PRKG1: variants seen among roughly 807,000 people sequenced by gnomAD.
The protein encoded by PRKG1 is protein kinase cGMP-dependent 1.
Under a neutral mutation model 88.1 loss-of-function variants are expected in PRKG1, and 35 were observed. That is an observed-to-expected ratio of 0.40 (90% CI 0.30 to 0.53). PRKG1 has a LOEUF of 0.53. Among genes scored for constraint, PRKG1 ranks in the 20% least tolerant of loss-of-function variants. The pLI, the probability that PRKG1 is intolerant of heterozygous loss-of-function variation, is 0.59. For synonymous variants in PRKG1, 303 were observed against 292.5 expected (o/e 1.04, Z -0.37); for missense variants, 540 against 839.8 (o/e 0.64, Z 4.41).
chr10:51,397,604 T>C (rs1486456155), intron 2 of PRKG1, among the ~76,000 whole-genome samples: 1 of 152,228 alleles, frequency 6.6e-6, no homozygotes, highest in Non-Finnish European at 1.5e-5. Context: ...TTGACTATTT[T>C]CTGAGGGCAA....
intron 3 of PRKG1, among the ~76,000 whole-genome samples, chr10:51,622,821 T>G (rs746555777): frequency 1.3e-5 from 2 of 152,348 alleles, no homozygotes; most frequent in Non-Finnish European, 2.9e-5. Flanking sequence ...TTATTTACTT[T>G]GGGCTTCACT....
chr10:51,924,256 TA>T (rs1842524805), intron 5 of PRKG1, among the ~76,000 whole-genome samples: 1 of 152,204 alleles, frequency 6.6e-6, no homozygotes, highest in African/African-American at 2.4e-5. Context: ...AATATTTATC[TA>T]AGAAAGTCTT....
intron 3 of PRKG1, among the ~76,000 whole-genome samples, chr10:51,787,459 G>A (rs1189921091): frequency 3.9e-5 from 6 of 152,068 alleles, no homozygotes; most frequent in Non-Finnish European, 5.9e-5. Context: ...GGATGGGCAG[G>A]GACTGGGCAC....
chr10:52,258,592 A>AT (rs2132411866), intron 10 of PRKG1, among the ~76,000 whole-genome samples: 1 of 152,078 alleles, frequency 6.6e-6, no homozygotes, highest in Admixed American at 6.6e-5. Context: ...AGAATTACTG[A>AT]TTTTTTAACT....
intron 2 of PRKG1, among the ~76,000 whole-genome samples, chr10:51,428,453 G>A (rs931238617): frequency 2.6e-5 from 4 of 152,244 alleles, no homozygotes; most frequent in Middle Eastern, 3.4e-3. Context: ...GATGGAGGGA[G>A]GGGCTTGGCA....
At chr10:51,251,163 A>G (rs191130353) in intron 2 of PRKG1, among the ~76,000 whole-genome samples, 447 of 151,816 alleles carry the variant, frequency 2.9e-3, no homozygotes, top group African/African-American at 0.01. Context: ...AACAAATTGC[A>G]TTGCTTCCTT....
chr10:51,392,737 C>T (rs1486243160), intron 2 of PRKG1, among the ~76,000 whole-genome samples: 14 of 142,570 alleles, frequency 9.8e-5, no homozygotes, highest in African/African-American at 1.2e-4. Flanking sequence ...ACCTCCCGGA[C>T]GGGGCGGCTG....
intron 7 of PRKG1, among the ~76,000 whole-genome samples, chr10:52,133,312 C>T (rs1589635567): frequency 6.6e-6 from 1 of 152,030 alleles, no homozygotes; most frequent in Non-Finnish European, 1.5e-5. Context: ...CTTGAAGAAC[C>T]ATAACTTCTG....
chr10:51,894,873 G>A (rs1251805192), intron 4 of PRKG1, among the ~76,000 whole-genome samples: 2 of 152,150 alleles, frequency 1.3e-5, no homozygotes, highest in Non-Finnish European at 2.9e-5. Context: ...CAGCTATCTG[G>A]TATTGCTTGG....
chr10:51,706,437 T>A (rs1258145704), intron 3 of PRKG1, among the ~76,000 whole-genome samples: 2 of 152,170 alleles, frequency 1.3e-5, no homozygotes, highest in Non-Finnish European at 2.9e-5. Flanking sequence ...TTGGGGCTGC[T>A]GGGAGTCTGC....
intron 2 of PRKG1, among the ~76,000 whole-genome samples, chr10:51,420,762 G>C (rs1838388330): frequency 6.6e-6 from 1 of 152,160 alleles, no homozygotes; most frequent in Non-Finnish European, 1.5e-5. Context: ...GGTTTAATTG[G>C]CTCACAGTTC....
rs996536532 is a variant in PRKG1, at chr10:51,945,086, G to A, written c.762+37516G>A. Among the ~76,000 whole-genome samples the A allele has an allele frequency of 6.8e-3, 1,019 of 150,914 alleles. 14 individuals are homozygous for A. Among genetic ancestry groups the A allele is most frequent in the African/African-American group, 0.022 (908 of 40,902 alleles). ...AGTCTCCCATTATTATTGTGTGGGA[G>A]TCTAAGTCTCTTTGTAGGTCACTCA... On this transcript the variant is annotated intron_variant, in intron 5 of 17. Transcript: ENST00000373980.
chr10:52,040,742 C>T (rs1014249634), intron 5 of PRKG1, among the ~76,000 whole-genome samples: 1 of 151,836 alleles, frequency 6.6e-6, no homozygotes, highest in Non-Finnish European at 1.5e-5. Context: ...AGTGGGCATC[C>T]CTATCTTATT....
At chr10:51,806,731 C>T (rs1290442230) in intron 4 of PRKG1, among the ~76,000 whole-genome samples, 1 of 152,132 alleles carries the variant, frequency 6.6e-6, no homozygotes, top group Non-Finnish European at 1.5e-5. Context: ...GTTCCTGTTG[C>T]ATTATTTACA....
chr10:51,932,479 T>A (rs904883681), intron 5 of PRKG1, among the ~76,000 whole-genome samples: 2 of 152,296 alleles, frequency 1.3e-5, no homozygotes, highest in Non-Finnish European at 1.5e-5. Flanking sequence ...ACAGACAAAC[T>A]TGGCCAAGAA....
chr10:52,231,844 C>T (rs1435106726), intron 9 of PRKG1, among the ~76,000 whole-genome samples: 2 of 152,118 alleles, frequency 1.3e-5, no homozygotes, highest in Non-Finnish European at 2.9e-5. Flanking sequence ...TTAACAATAA[C>T]ATTTATGAAA....
intron 2 of PRKG1, among the ~76,000 whole-genome samples, chr10:51,409,160 A>C (rs1047000988): frequency 2.0e-5 from 3 of 152,196 alleles, no homozygotes; most frequent in Non-Finnish European, 2.9e-5. Flanking sequence ...GAAAGGGGCT[A>C]TGCCGTAGCT....
chr10:52,106,468 A>C lies in PRKG1; in HGVS notation c.936-27372A>C, dbSNP rs576439144. 1.2e-3 allele frequency among the ~76,000 whole-genome samples: 186 copies of C among 152,218 alleles called. 1 individual carries two copies. The highest frequency in any genetic ancestry group is 4.3e-3 in the African/African-American group (177 of 41,524). On this transcript the variant is annotated intron_variant, in intron 7 of 17. Transcript: ENST00000373980. ...GGTTGGTGAGAACAGTAACTTATGT[A>C]TATTAAATCCTTCGGGAACAGCATC...
chr10:51,419,988 A>C (rs293321), intron 2 of PRKG1, among the ~76,000 whole-genome samples: 124,606 of 152,016 alleles, frequency 0.82, 51,417 homozygotes, highest in Non-Finnish European at 0.85. Context: ...AAAACAAAAT[A>C]ACCCCAGAAT....
Sources: gnomAD v4.1 joint callset for allele counts (sites outside exome capture counted in the v4.1 genomes callset) on GRCh38, gnomAD v4.1.1 for gene constraint, MANE v1.5 for transcripts, NCBI Gene and HGNC (gene_info 2026-07-23, HGNC 2026-07-21) for gene names.